Variants in MCTP1 observed in about 807,000 individuals in gnomAD.
MCTP1 encodes multiple C2 and transmembrane domain containing 1, also known as multiple C2 and transmembrane domain-containing protein 1.
Under a neutral mutation model 120.6 loss-of-function variants are expected in MCTP1, and 69 were observed. The ratio of observed to expected loss-of-function variants is 0.57; its 90% CI spans 0.47 to 0.70. MCTP1 has a LOEUF of 0.70. MCTP1 is among the 30% of genes least tolerant of loss of function. The pLI is 0.00. For synonymous variants in MCTP1, 529 were observed against 493.1 expected (o/e 1.07, Z -0.96); for missense variants, 1,203 against 1,248.8 (o/e 0.96, Z 0.55).
At chr5:95,199,580 G>A (rs1750765209) in intron 1 of MCTP1, among the ~76,000 whole-genome samples, 2 of 151,374 alleles carry the variant, frequency 1.3e-5, no homozygotes, top group South Asian at 2.1e-4. Flanking sequence ...AAAGATTGCT[G>A]GGTGTGGTGG....
chr5:94,800,471 A>G (rs574299082), intron 17 of MCTP1, among the ~76,000 whole-genome samples: 1 of 152,288 alleles, frequency 6.6e-6, no homozygotes, highest in African/African-American at 2.4e-5. Flanking sequence ...TCTTCTTAAT[A>G]AATCTCAGTG....
At chr5:94,855,875 T>G (rs1794638165) in intron 17 of MCTP1, among the ~76,000 whole-genome samples, 1 of 150,080 alleles carries the variant, frequency 6.7e-6, no homozygotes, top group Admixed American at 6.7e-5. Flanking sequence ...AGATTAATTT[T>G]AAAATAGAAT....
intron 2 of MCTP1, among the ~76,000 whole-genome samples, chr5:94,965,785 G>A (rs758122588): frequency 1.6e-4 from 25 of 152,180 alleles, no homozygotes; most frequent in Admixed American, 6.5e-4. Flanking sequence ...ATTAGGCCAT[G>A]AGGACTCTAT....
chr5:94,951,517 A>C (rs1820572766), intron 3 of MCTP1, among the ~76,000 whole-genome samples: 1 of 152,192 alleles, frequency 6.6e-6, no homozygotes, highest in African/African-American at 2.4e-5. Context: ...AATGAGATCC[A>C]AACAGCCTGT....
At chr5:94,734,374 G>A (rs1052670541) in intron 19 of MCTP1, among the ~76,000 whole-genome samples, 2 of 152,132 alleles carry the variant, frequency 1.3e-5, no homozygotes, top group Admixed American at 1.3e-4. Context: ...AAAAAACTCT[G>A]GTAAACATTA....
At chr5:95,215,604 G>T (rs10075123) in intron 1 of MCTP1, among the ~76,000 whole-genome samples, 28,556 of 151,642 alleles carry the variant, frequency 0.19, 2,933 homozygotes, top group Non-Finnish European at 0.23. Flanking sequence ...GCTATTTTTT[G>T]CTTTTTTAGC....
At chr5:94,777,925 T>TGCGC (rs886551589) in intron 19 of MCTP1, among the ~76,000 whole-genome samples, 8 of 79,754 alleles carry the variant, frequency 1.0e-4, no homozygotes, top group African/African-American at 3.6e-4. Flanking sequence ...GGAGAAAGTG[T>TGCGC]GCGTGTGTGT....
At chr5:94,955,976 C>T (rs1581559637) in intron 2 of MCTP1, among the ~76,000 whole-genome samples, 1 of 152,346 alleles carries the variant, frequency 6.6e-6, no homozygotes, top group South Asian at 2.1e-4. Context: ...GACAGGGAGA[C>T]ACCTCCCAGC....
At chr5:95,100,934 A>C (rs1415870894) in intron 1 of MCTP1, among the ~76,000 whole-genome samples, 1 of 152,230 alleles carries the variant, frequency 6.6e-6, no homozygotes, top group Non-Finnish European at 1.5e-5. Flanking sequence ...TATTTCCCCC[A>C]AAAGGAACCA....
chr5:94,723,134 C>G (rs1207024107), intron 19 of MCTP1, among the ~76,000 whole-genome samples: 1 of 152,140 alleles, frequency 6.6e-6, no homozygotes, highest in East Asian at 1.9e-4. Context: ...AATTCAGAGT[C>G]CCTTGGCTAC....
chr5:94,774,016 G>A (rs1271111806), intron 19 of MCTP1, among the ~76,000 whole-genome samples: 1 of 101,902 alleles, frequency 9.8e-6, no homozygotes, highest in African/African-American at 4.2e-5. Context: ...AGACCATCCC[G>A]GCTAAAATGG....
At chr5:95,000,504 G>A (rs1469380950) in intron 2 of MCTP1, among the ~76,000 whole-genome samples, 2 of 152,120 alleles carry the variant, frequency 1.3e-5, no homozygotes, top group East Asian at 3.8e-4. Context: ...CACTGCTATT[G>A]ATGATTCTGA....
intron 1 of MCTP1, among the ~76,000 whole-genome samples, chr5:95,160,882 A>C (rs78062092): frequency 0.024 from 3,620 of 152,278 alleles, 154 homozygotes; most frequent in African/African-American, 0.082. Context: ...GGGTAATGCA[A>C]ATTAAAGCAA....
At chr5:95,124,666 G>GGAAA (rs2152414430) in intron 1 of MCTP1, among the ~76,000 whole-genome samples, 1 of 152,222 alleles carries the variant, frequency 6.6e-6, no homozygotes, top group African/African-American at 2.4e-5. Context: ...AGCCTTTACA[G>GGAAA]GAAAGAAAAG....
In MCTP1 at chr5:94,912,897, A is replaced by G. The variant is rs1296880565; in HGVS notation, c.1430T>C (p.Ile477Thr). The change falls in exon 9 of 23, where the codon ATT (isoleucine) becomes ACT (threonine). Residue 477 changes from isoleucine (I) to threonine (T), a missense_variant. Transcript: ENST00000515393. ...CATGGCCTTGAGGTCTCTCCCTTCAATCAAGGTGATGCTGACTATTCCTCT... is the reference window on the plus strand; with the variant it reads ...CATGGCCTTGAGGTCTCTCCCTTCAGTCAAGGTGATGCTGACTATTCCTCT... Reference protein sequence around the residue: ...LWRGIVSITLIEGRDLKAMDS... With the variant: ...LWRGIVSITLTEGRDLKAMDS... The G allele has an allele frequency of 1.2e-6, 2 of 1,602,230 alleles. No homozygotes were observed. Among genetic ancestry groups the G allele is most frequent in the South Asian group, 1.1e-5 (1 of 89,150 alleles).
intron 1 of MCTP1, among the ~76,000 whole-genome samples, chr5:95,208,344 G>A (rs1751914011): frequency 6.6e-6 from 1 of 152,076 alleles, no homozygotes; most frequent in Non-Finnish European, 1.5e-5. Context: ...ACCCACCTCA[G>A]CCACCCAAAG....
At chr5:95,199,138 A>G (rs892685666) in intron 1 of MCTP1, among the ~76,000 whole-genome samples, 2 of 152,242 alleles carry the variant, frequency 1.3e-5, no homozygotes, top group African/African-American at 4.8e-5. Context: ...AAACATAAAT[A>G]CAAATTTTAA....
chr5:95,135,107 A>G (rs1278948187), intron 1 of MCTP1, among the ~76,000 whole-genome samples: 2 of 151,566 alleles, frequency 1.3e-5, no homozygotes, highest in African/African-American at 4.8e-5. Context: ...ATTTCACTAG[A>G]TCAGGCATAG....
At chr5:94,734,354 CAT>C (rs759149401) in intron 19 of MCTP1, among the ~76,000 whole-genome samples, 86 of 152,258 alleles carry the variant, frequency 5.6e-4, no homozygotes, top group South Asian at 5.4e-3. Flanking sequence ...TAAACACAAA[CAT>C]AGAGTAAAAA....
Sources: allele counts gnomAD v4.1 joint callset (sites outside exome capture counted in the v4.1 genomes callset), GRCh38; gene constraint gnomAD v4.1.1; transcripts MANE v1.5; gene names NCBI Gene and HGNC (gene_info 2026-07-23, HGNC 2026-07-21).